NKAIN3: variants seen among roughly 807,000 people sequenced by gnomAD.
NKAIN3 encodes the protein sodium/potassium transporting ATPase interacting 3.
In NKAIN3, 25 loss-of-function variants were observed where a neutral mutation model predicts 30.2. The observed-to-expected ratio is 0.83, with a 90% CI of 0.60 to 1.16. The LOEUF (loss-of-function observed/expected upper bound fraction) is 1.16. Among genes scored for constraint, NKAIN3 ranks in the 50% most tolerant of loss-of-function variants. NKAIN3 has a pLI of 0.00. For synonymous variants in NKAIN3, 91 were observed against 89.6 expected (o/e 1.02, Z -0.09); for missense variants, 225 against 254.1 (o/e 0.89, Z 0.78).
chr8:62,425,475 G>A (rs1282171394), intron 1 of NKAIN3, among the ~76,000 whole-genome samples: 4 of 151,948 alleles, frequency 2.6e-5, no homozygotes, highest in African/African-American at 9.6e-5. Context: ...TTATATATCT[G>A]TTGCACAACA....
chr8:62,729,015 C>CAAAG (rs1408326457), intron 3 of NKAIN3, among the ~76,000 whole-genome samples: 1 of 12,728 alleles, frequency 7.9e-5, no homozygotes, highest in East Asian at 1.4e-3. Flanking sequence ...CAAAACAAAA[C>CAAAG]AAACAAACCA....
chr8:62,311,635 A>C (rs62510115), intron 1 of NKAIN3, among the ~76,000 whole-genome samples: 2,495 of 150,510 alleles, frequency 0.017, 46 homozygotes, highest in Non-Finnish European at 0.024. Flanking sequence ...AACTGGATCA[A>C]GTCTGTGTGG....
At chr8:62,832,577 T>G (rs1819231869) in intron 4 of NKAIN3, among the ~76,000 whole-genome samples, 1 of 151,816 alleles carries the variant, frequency 6.6e-6, no homozygotes, top group South Asian at 2.1e-4. Flanking sequence ...ATAATGATAT[T>G]TTATCATTAT....
At position 62,966,447 on chromosome 8, in the gene NKAIN3, T is replaced by C; in HGVS notation, c.*1040T>C. 1 of 918,954 alleles carries C rather than the reference T, an allele frequency of 1.1e-6. No homozygotes were observed. The highest frequency in any genetic ancestry group is 5.0e-5 in the South Asian group (1 of 19,946). The allele number at this position is 918,954 out of a possible 1,614,324, so 56.9% of individuals were successfully genotyped here. On this transcript the variant is annotated 3_prime_UTR_variant, in exon 7 of 7. Coordinates refer to ENST00000623646, the MANE Select transcript of NKAIN3 (RefSeq NM_001304533.3). ...GTATTTTTTTAACTGGCATAAAACT[T>C]ACATATGGTAAAATGCACAAATATT...
chr8:62,549,093 A>AT (rs1585933409), intron 1 of NKAIN3, among the ~76,000 whole-genome samples: 2 of 152,134 alleles, frequency 1.3e-5, no homozygotes, highest in African/African-American at 4.8e-5. Context: ...GAGTGAATAA[A>AT]TTTTTTCTAG....
chr8:62,937,043 T>G (rs1822806066), intron 5 of NKAIN3, among the ~76,000 whole-genome samples: 1 of 152,092 alleles, frequency 6.6e-6, no homozygotes, highest in African/African-American at 2.4e-5. Context: ...TGTGATCTAT[T>G]GATTTTTACA....
chr8:62,605,620 A>G (rs1292124048), intron 3 of NKAIN3, among the ~76,000 whole-genome samples: 1 of 152,072 alleles, frequency 6.6e-6, no homozygotes, highest in Admixed American at 6.6e-5. Flanking sequence ...AAAAGTAACA[A>G]TACAGAAATA....
chr8:62,622,060 T>C (rs374242758), intron 3 of NKAIN3, among the ~76,000 whole-genome samples: 55 of 152,160 alleles, frequency 3.6e-4, no homozygotes, highest in African/African-American at 1.2e-3. Context: ...GCATATAGCC[T>C]TTAGGGATGA....
chr8:62,855,682 G>A (rs2130780942), intron 4 of NKAIN3: 1 of 1,603,448 alleles, frequency 6.2e-7, no homozygotes, highest in East Asian at 2.2e-5. Context: ...GGTTCTCAAA[G>A]CTGTCACTTC....
chr8:62,796,789 T>TACACACACACACAC (rs144656283), intron 4 of NKAIN3, among the ~76,000 whole-genome samples: 8,534 of 146,036 alleles, frequency 0.058, 328 homozygotes, highest in Middle Eastern at 0.091. Flanking sequence ...GTATCACACA[T>TACACACACACACAC]ACACACACAC....
intron 4 of NKAIN3, among the ~76,000 whole-genome samples, chr8:62,846,057 C>T (rs1351302651): frequency 6.6e-6 from 1 of 151,982 alleles, no homozygotes; most frequent in East Asian, 1.9e-4. Flanking sequence ...ATAGAAAAAT[C>T]TCAATTAGAA....
chr8:62,680,699 G>A (rs759232523), intron 3 of NKAIN3, among the ~76,000 whole-genome samples: 5 of 152,056 alleles, frequency 3.3e-5, no homozygotes, highest in East Asian at 1.9e-4. Flanking sequence ...AATGTAATGC[G>A]TGATTTGAAG....
chr8:62,555,058 G>T (rs565000611), intron 1 of NKAIN3, among the ~76,000 whole-genome samples: 7 of 118,270 alleles, frequency 5.9e-5, no homozygotes, highest in African/African-American at 2.2e-4. Context: ...ACACACACAT[G>T]CCTAGCTATG....
chr8:62,381,466 T>C (rs1044159862), intron 1 of NKAIN3, among the ~76,000 whole-genome samples: 106 of 152,148 alleles, frequency 7.0e-4, no homozygotes, highest in Non-Finnish European at 2.5e-4. Flanking sequence ...GTTTAGAATG[T>C]ACTGTTTGAC....
intron 4 of NKAIN3, among the ~76,000 whole-genome samples, chr8:62,791,710 G>A (rs1185189899): frequency 6.6e-6 from 1 of 151,954 alleles, no homozygotes; most frequent in African/African-American, 2.4e-5. Context: ...TTATTTTAAG[G>A]TGTTTTGACT....
intron 6 of NKAIN3, among the ~76,000 whole-genome samples, chr8:62,961,724 T>C (rs1225805936): frequency 6.6e-6 from 1 of 152,126 alleles, no homozygotes; most frequent in African/African-American, 2.4e-5. Flanking sequence ...TAGTCATAAA[T>C]GAACTCTTCA....
chr8:62,952,450 G>A (rs959458487), intron 5 of NKAIN3, among the ~76,000 whole-genome samples: 4 of 151,980 alleles, frequency 2.6e-5, no homozygotes, highest in Non-Finnish European at 5.9e-5. Flanking sequence ...TTGTGATGAG[G>A]CTAATGTTGA....
intron 3 of NKAIN3, among the ~76,000 whole-genome samples, chr8:62,627,815 C>A (rs1811836633): frequency 6.6e-6 from 1 of 152,072 alleles, no homozygotes; most frequent in South Asian, 2.1e-4. Flanking sequence ...CAGCAGGGTA[C>A]TGGAGACAGA....
intron 4 of NKAIN3, among the ~76,000 whole-genome samples, chr8:62,789,431 G>C (rs967874159): frequency 6.6e-6 from 1 of 152,030 alleles, no homozygotes; most frequent in Non-Finnish European, 1.5e-5. Flanking sequence ...AGGAGATTTT[G>C]GGCTGAGACA....
Sources: gnomAD v4.1 joint callset for allele counts (sites outside exome capture counted in the v4.1 genomes callset) on GRCh38, gnomAD v4.1.1 for gene constraint, MANE v1.5 for transcripts, NCBI Gene and HGNC (gene_info 2026-07-23, HGNC 2026-07-21) for gene names.